The following COL5A2 variants were observed in gnomAD, a reference collection of about 807,000 sequenced individuals.
COL5A2 encodes collagen type V alpha 2 chain.
A neutral mutation model predicts 208.2 loss-of-function variants in COL5A2; 23 were observed. The ratio of observed to expected loss-of-function variants is 0.11; its 90% CI spans 0.08 to 0.16. The LOEUF (loss-of-function observed/expected upper bound fraction) is 0.16, where lower values mean the gene tolerates loss of function less well. Ranked by LOEUF, COL5A2 falls within the 10% of genes least tolerant of loss-of-function variation. The pLI, the probability that COL5A2 is intolerant of heterozygous loss-of-function variation, is 1.00. For missense variants in COL5A2, 1,590 were observed against 1,956.4 expected (o/e 0.81, Z 3.53); for synonymous variants, 625 against 628.5 (o/e 0.99, Z 0.08).
chr2:189,407,291 T>C, the COL5A2 span, among the ~76,000 whole-genome samples: 1 of 152,132 alleles, frequency 6.6e-6, no homozygotes, highest in Non-Finnish European at 1.5e-5. Flanking sequence ...TGCAACGTTT[T>C]AAAATCCCTT....
chr2:189,099,122 T>G (rs1256427611), intron 4 of COL5A2, among the ~76,000 whole-genome samples: 1 of 152,192 alleles, frequency 6.6e-6, no homozygotes, highest in Admixed American at 6.5e-5. Flanking sequence ...ATTAGGTAAT[T>G]ACCTCCCTCA....
the COL5A2 span, among the ~76,000 whole-genome samples, chr2:189,309,929 T>C: frequency 6.6e-6 from 1 of 152,214 alleles, no homozygotes; most frequent in Admixed American, 6.5e-5. Context: ...CCAGGCTTAG[T>C]TACATGGCCC....
At chr2:189,212,030 C>T (rs773464783) in intron 1 of COL5A2, among the ~76,000 whole-genome samples, 39 of 152,124 alleles carry the variant, frequency 2.6e-4, no homozygotes, top group Non-Finnish European at 8.8e-5. Flanking sequence ...TCCCATAGCC[C>T]ACTTTGAGAT....
intron 1 of COL5A2, among the ~76,000 whole-genome samples, chr2:189,216,545 A>G (rs1689281894): frequency 3.3e-5 from 5 of 152,126 alleles, no homozygotes. Flanking sequence ...AATCAAGGTT[A>G]TATCTGTCAC....
At chr2:189,217,627 TA>T (rs1689296028) in intron 1 of COL5A2, among the ~76,000 whole-genome samples, 1 of 152,098 alleles carries the variant, frequency 6.6e-6, no homozygotes, top group African/African-American at 2.4e-5. Context: ...CATTGCAACA[TA>T]AAAACTCAGG....
chr2:189,075,394 A>C lies in COL5A2; in HGVS notation c.1103T>G (p.Met368Arg), dbSNP rs1309692742. The change falls in exon 17 of 54, where the codon ATG (methionine) becomes AGG (arginine). Residue 368 changes from methionine to arginine, a missense_variant and splice_region_variant. Coordinates refer to ENST00000374866, the MANE Select transcript of COL5A2 (RefSeq NM_000393.5). ...TAATATGAAAATAATATAACTCACCATTGGTCCAGGTTTTCCAGGCATACC... is the reference window on the plus strand; with the variant it reads ...TAATATGAAAATAATATAACTCACCCTTGGTCCAGGTTTTCCAGGCATACC... Reference protein sequence around the residue: ...AHGMPGKPGPMGPLGIPGSSG... With the variant: ...AHGMPGKPGPRGPLGIPGSSG... 3 of 1,595,798 alleles carry C rather than the reference A, an allele frequency of 1.9e-6. No homozygotes were observed. The highest frequency in any genetic ancestry group is 8.6e-7 in the Non-Finnish European group (1 of 1,163,882).
In COL5A2 at chr2:189,058,512, G is replaced by C; in HGVS notation, c.2146C>G (p.Pro716Ala). The part of the protein sequence containing the change: ...PLGPRGERGN[P>A]GERGEPGITG... Reference sequence around the variant, plus strand: ...ATCCCAGGTTCTCCTCTTTCCCCAGGATTTCCTCGTTCTCCCTAGCACAAA... The same window carrying C: ...ATCCCAGGTTCTCCTCTTTCCCCAGCATTTCCTCGTTCTCCCTAGCACAAA... Residue 716 changes from proline (P) to alanine (A), a missense_variant, in exon 33 of 54, where the codon CCT (proline) becomes GCT (alanine). Coordinates refer to ENST00000374866, the MANE Select transcript of COL5A2 (RefSeq NM_000393.5). 6.2e-7 allele frequency: 1 copy of C among 1,613,762 alleles called. No homozygotes were observed. Among genetic ancestry groups the C allele is most frequent in the Non-Finnish European group, 8.5e-7 (1 of 1,179,828 alleles).
chr2:189,253,491 C>T, the COL5A2 span, among the ~76,000 whole-genome samples: 4 of 152,186 alleles, frequency 2.6e-5, no homozygotes, highest in Non-Finnish European at 4.4e-5. Context: ...AGCTGTAAAA[C>T]GTAGAGAGTC....
the COL5A2 span, among the ~76,000 whole-genome samples, chr2:189,392,534 A>G: frequency 6.6e-6 from 1 of 152,184 alleles, no homozygotes; most frequent in African/African-American, 2.4e-5. Flanking sequence ...TTATAGGACA[A>G]ATATACTTCC....
chr2:189,396,401 C>T, the COL5A2 span, among the ~76,000 whole-genome samples: 5 of 152,070 alleles, frequency 3.3e-5, no homozygotes, highest in African/African-American at 7.2e-5. Flanking sequence ...GGGCCGGGTG[C>T]GGTGGCTCAC....
chr2:189,047,118 C>T (rs1277446617), intron 45 of COL5A2, among the ~76,000 whole-genome samples: 16 of 138,018 alleles, frequency 1.2e-4, no homozygotes, highest in Non-Finnish European at 2.1e-4. Context: ...AAGACTCTGT[C>T]TCAAAAAAAA....
At chr2:189,127,126 G>A (rs1687621514) in intron 1 of COL5A2, among the ~76,000 whole-genome samples, 1 of 151,954 alleles carries the variant, frequency 6.6e-6, no homozygotes, top group Admixed American at 6.6e-5. Flanking sequence ...TGAGAATTGA[G>A]AAAGAAGTAG....
At chr2:189,102,285 G>C (rs1267192774) in intron 3 of COL5A2, among the ~76,000 whole-genome samples, 4 of 152,066 alleles carry the variant, frequency 2.6e-5, no homozygotes, top group Non-Finnish European at 1.5e-5. Flanking sequence ...TAGGGGAATA[G>C]AACTCTCTGA....
the COL5A2 span, among the ~76,000 whole-genome samples, chr2:189,386,330 G>A: frequency 1.1e-4 from 16 of 152,172 alleles, no homozygotes; most frequent in African/African-American, 3.4e-4. Context: ...ATTAACTCAA[G>A]ATGAATTAAA....
At chr2:189,234,723 T>A in the COL5A2 span, among the ~76,000 whole-genome samples, 1 of 151,778 alleles carries the variant, frequency 6.6e-6, no homozygotes, top group Admixed American at 6.6e-5. Flanking sequence ...CTTTGCAAAT[T>A]ACATAATGCA....
At chr2:189,123,874 T>A (rs893959347) in intron 1 of COL5A2, among the ~76,000 whole-genome samples, 5 of 151,794 alleles carry the variant, frequency 3.3e-5, no homozygotes, top group Non-Finnish European at 7.4e-5. Context: ...AGCCAATATT[T>A]AAAAAAAATA....
the COL5A2 span, among the ~76,000 whole-genome samples, chr2:189,271,932 G>A: frequency 6.6e-6 from 1 of 152,212 alleles, no homozygotes; most frequent in Non-Finnish European, 1.5e-5. Flanking sequence ...CTGGTCGTTA[G>A]AGAAACGCAA....
intron 14 of COL5A2, among the ~76,000 whole-genome samples, chr2:189,079,365 T>C (rs1253427964): frequency 6.6e-6 from 1 of 152,190 alleles, no homozygotes; most frequent in Non-Finnish European, 1.5e-5. Flanking sequence ...GTAACTAGTC[T>C]CAGGAAAGGA....
chr2:189,128,657 G>A (rs1687654036), intron 1 of COL5A2, among the ~76,000 whole-genome samples: 1 of 151,816 alleles, frequency 6.6e-6, no homozygotes, highest in Admixed American at 6.6e-5. Flanking sequence ...TTTTTTAGAA[G>A]CATCTCTAGT....
Sources: gnomAD v4.1 joint callset for allele counts (sites outside exome capture counted in the v4.1 genomes callset) on GRCh38, gnomAD v4.1.1 for gene constraint, MANE v1.5 for transcripts, NCBI Gene and HGNC (gene_info 2026-07-23, HGNC 2026-07-21) for gene names.